SCIN: variants seen among roughly 807,000 people sequenced by gnomAD.
SCIN encodes adseverin.
A neutral mutation model predicts 91.8 loss-of-function variants in SCIN; 91 were observed. The observed-to-expected ratio is 0.99, with a 90% CI of 0.84 to 1.18. The LOEUF is 1.18. SCIN is among the 50% of genes most tolerant of loss of function. The pLI, the probability that SCIN is intolerant of heterozygous loss-of-function variation, is 0.00. For synonymous variants in SCIN, 367 were observed against 312.6 expected (o/e 1.17, Z -1.84); for missense variants, 1,087 against 863.9 (o/e 1.26, Z -3.24).
intron 10 of SCIN, among the ~76,000 whole-genome samples, chr7:12,639,741 A>G (rs1389792072): frequency 6.6e-6 from 1 of 152,190 alleles, no homozygotes; most frequent in African/African-American, 2.4e-5. Context: ...TAGGTAAGTT[A>G]AAAAGTAGAA....
At chr7:12,645,787 G>A (rs1783954308) in intron 13 of SCIN, among the ~76,000 whole-genome samples, 1 of 152,146 alleles carries the variant, frequency 6.6e-6, no homozygotes, top group Non-Finnish European at 1.5e-5. Flanking sequence ...AAGGATTAAT[G>A]ATATAATTAA....
chr7:12,644,870 T>C (rs1783929308), intron 13 of SCIN, among the ~76,000 whole-genome samples, 165 bp downstream of exon 13: 1 of 151,450 alleles, frequency 6.6e-6, no homozygotes. Context: ...AAAAATTAGC[T>C]GGATGTGGTG....
chr7:12,630,362 G>T (rs1213142921), intron 9 of SCIN, among the ~76,000 whole-genome samples: 1 of 152,206 alleles, frequency 6.6e-6, no homozygotes, highest in Non-Finnish European at 1.5e-5. Context: ...TAATTCATAT[G>T]CACTTTAATG....
At chr7:12,647,389 C>A (rs538961249) in intron 13 of SCIN, among the ~76,000 whole-genome samples, 3 of 151,756 alleles carry the variant, frequency 2.0e-5, no homozygotes, top group African/African-American at 7.3e-5. Flanking sequence ...TAGATTCCTA[C>A]AAGGCAGCTA....
Position 12,651,765 on chromosome 7 carries a change from G to C in SCIN, c.1960-76G>C. The C allele has an allele frequency of 1.1e-6, 1 of 898,394 alleles. No homozygotes were observed. The highest frequency in any genetic ancestry group is 1.8e-6 in the Non-Finnish European group (1 of 567,352). 55.7% of individuals were successfully genotyped at this position (898,394 alleles called of 1,614,324 possible). ...AAGATTGAATGAGCAATGTGTGTGT[G>C]AAGCACTTTACATAGGGCCTAGCAC... On this transcript the variant is annotated intron_variant, in intron 14 of 15. Transcript: ENST00000297029. This position sits in a 1 kb window ranked among gnomAD's most constrained non-coding sequence, Gnocchi z 5.9.
rs1784198847 is a variant in SCIN at position 12,657,878 on chromosome 7, A to G, written c.*5163A>G. ...TTCTAATATACTTTTCTTCTATTAT[A>G]GGAATAAGAATTCAGTAGTCATATT... On this transcript the variant is annotated 3_prime_UTR_variant, in exon 16 of 16. Coordinates refer to ENST00000297029, the MANE Select transcript of SCIN (RefSeq NM_001112706.3). 1 of 152,060 alleles carries G rather than the reference A, an allele frequency of 6.6e-6. No homozygotes were observed. Among genetic ancestry groups the G allele is most frequent in the African/African-American group, 2.4e-5 (1 of 41,440 alleles). The allele number at this position is 152,060 out of a possible 1,614,324, so 9.4% of individuals were successfully genotyped here.
In SCIN at chr7:12,620,439, T is replaced by C. The variant is rs146716279; in HGVS notation, c.667-2362T>C. ...TTTTGGATTCCACATATTAATGAGA[T>C]CATGCATTGTTTATCTTTTTGTGTC... On this transcript the variant is annotated intron_variant, in intron 4 of 15. Coordinates refer to ENST00000297029, the MANE Select transcript of SCIN (RefSeq NM_001112706.3). Among the ~76,000 whole-genome samples, 382 of 152,248 alleles carry C rather than the reference T, an allele frequency of 2.5e-3. 1 individual carries two copies. The highest frequency in any genetic ancestry group is 4.3e-3 in the Non-Finnish European group (291 of 67,990).
At chr7:12,635,713 TA>T in intron 9 of SCIN, among the ~76,000 whole-genome samples, 1 of 151,254 alleles carries the variant, frequency 6.6e-6, no homozygotes, top group African/African-American at 2.4e-5. Flanking sequence ...TCAGATGGAT[TA>T]TTTTTCACTG....
At chr7:12,628,992 T>A (rs1783588093) in intron 8 of SCIN, 109 bp from the exon 9 acceptor site, 1 of 936,492 alleles carries the variant, frequency 1.1e-6, no homozygotes, top group African/African-American at 1.7e-5. Context: ...AATAAATAAT[T>A]TAAAAGTTGT....
chr7:12,610,045 G>T (rs895022791), intron 4 of SCIN, among the ~76,000 whole-genome samples: 3 of 152,172 alleles, frequency 2.0e-5, no homozygotes, highest in African/African-American at 4.8e-5. Flanking sequence ...AATCGTGAGG[G>T]TCCTCAGAGG....
intron 9 of SCIN, among the ~76,000 whole-genome samples, chr7:12,632,889 A>G (rs541940235): frequency 2.8e-4 from 42 of 152,300 alleles, no homozygotes; most frequent in Admixed American, 2.7e-3. Context: ...TTCCATCATA[A>G]GAATGTATAT....
intron 1 of SCIN, among the ~76,000 whole-genome samples, chr7:12,572,303 G>A (rs771806826): frequency 6.6e-6 from 1 of 152,190 alleles, no homozygotes; most frequent in Non-Finnish European, 1.5e-5. Context: ...GCTTCTTGAT[G>A]CATTGCTGTT....
In SCIN at chr7:12,651,317, AAAAGG is replaced by A. The variant is rs1003545330; in HGVS notation, c.1960-523_1960-519del. ...CTCAGTTAATCTTCCCTAGATCCCG[AAAAGG>A]GAGGGCCTCAAAGAAAGTCCGGCTG... On this transcript the variant is annotated intron_variant, in intron 14 of 15. Coordinates refer to ENST00000297029, the MANE Select transcript of SCIN (RefSeq NM_001112706.3). The surrounding 1 kb of genome is among the most constrained non-coding windows in gnomAD (Gnocchi z 5.9). Among the ~76,000 whole-genome samples the A allele has an allele frequency of 2.0e-4, 30 of 152,294 alleles. No individual in the cohort carries two copies. Among genetic ancestry groups the A allele is most frequent in the African/African-American group, 7.0e-4 (29 of 41,562 alleles).
intron 3 of SCIN, among the ~76,000 whole-genome samples, chr7:12,584,716 T>C (rs1426484421): frequency 2.0e-5 from 3 of 152,228 alleles, no homozygotes; most frequent in Non-Finnish European, 4.4e-5. Context: ...AAAAACACTT[T>C]TGAACAATAT....
intron 3 of SCIN, among the ~76,000 whole-genome samples, chr7:12,583,659 C>T (rs1303422201): frequency 2.0e-5 from 3 of 152,008 alleles, no homozygotes; most frequent in African/African-American, 7.2e-5. Flanking sequence ...TATTATTTTG[C>T]AGAACAAATA....
intron 9 of SCIN, among the ~76,000 whole-genome samples, chr7:12,634,613 A>G (rs193085997): frequency 6.6e-6 from 1 of 152,382 alleles, no homozygotes; most frequent in Non-Finnish European, 1.5e-5. Context: ...CCTGCTGCTA[A>G]GCTAACCACT....
intron 3 of SCIN, 38 bp downstream of exon 3, chr7:12,581,259 G>A: frequency 6.5e-7 from 1 of 1,536,888 alleles, no homozygotes; most frequent in Non-Finnish European, 8.8e-7. Context: ...CTAAAGAAAA[G>A]TGAATTGCTT....
At chr7:12,605,177 T>G (rs184678052) in intron 4 of SCIN, among the ~76,000 whole-genome samples, 7,883 of 151,998 alleles carry the variant, frequency 0.052, 236 homozygotes, top group African/African-American at 0.061. Flanking sequence ...TCAGCCTCCC[T>G]AGTAGCTGGG....
chr7:12,620,418 G>C (rs1376458403), intron 4 of SCIN, among the ~76,000 whole-genome samples: 1 of 151,900 alleles, frequency 6.6e-6, no homozygotes, highest in South Asian at 2.1e-4. Context: ...TGGATATTTT[G>C]GATTCCACAT....
Sources: allele counts gnomAD v4.1 joint callset (sites outside exome capture counted in the v4.1 genomes callset), GRCh38; gene constraint gnomAD v4.1.1; non-coding constraint Gnocchi (gnomAD v3.1); transcripts MANE v1.5; gene names NCBI Gene and HGNC (gene_info 2026-07-23, HGNC 2026-07-21).